The following CYP46A1 variants were observed in gnomAD, a reference collection of about 807,000 sequenced individuals.
The protein encoded by CYP46A1 is cholesterol 24-hydroxylase.
CYP46A1 carries 20 observed loss-of-function variants against 63.3 expected under a neutral mutation model. The observed-to-expected ratio is 0.32, with a 90% CI of 0.22 to 0.46. The LOEUF is 0.46. Among genes scored for constraint, CYP46A1 ranks in the 20% least tolerant of loss-of-function variants. The probability of loss-of-function intolerance (pLI) is 1.00; values close to 1 mark genes in which losing one functional copy is unlikely to be tolerated. For synonymous variants in CYP46A1, 268 were observed against 273.6 expected, an observed-to-expected ratio of 0.98 and a Z score of 0.20; for missense variants, 445 against 670.8, an observed-to-expected ratio of 0.66 and a Z score of 3.72.
chr14:99,699,964 C>CGGGGGGGGGGGGGGGGGGGGGGGGGGGG, intron 4 of CYP46A1, 51 bp from the exon 5 acceptor site: 5 of 773,854 alleles, frequency 6.5e-6, no homozygotes, highest in Non-Finnish European at 8.3e-6. Context: ...ATCAAGCAGT[C>CGGGGGGGGGGGGGGGGGGGGGGGGGGGG]GCTCCCCACC....
intron 3 of CYP46A1, among the ~76,000 whole-genome samples, chr14:99,698,227 TCTGG>T (rs2056601976): frequency 6.6e-6 from 1 of 152,006 alleles, no homozygotes; most frequent in African/African-American, 2.4e-5. Context: ...AGGGCAGGCC[TCTGG>T]GCTCTGGGTC....
intron 3 of CYP46A1, among the ~76,000 whole-genome samples, chr14:99,699,019 T>C (rs1371026143): frequency 6.6e-6 from 1 of 152,152 alleles, no homozygotes; most frequent in Non-Finnish European, 1.5e-5. Flanking sequence ...CACACTTCCT[T>C]GACTGCCCGG....
intron 3 of CYP46A1, chr14:99,693,623 T>C (rs1046537665): frequency 2.6e-5 from 4 of 152,242 alleles, no homozygotes; most frequent in African/African-American, 9.6e-5. Context: ...ACTGACCTCA[T>C]AGGATAAGTT....
rs965536542 is a variant in CYP46A1, at chr14:99,726,970, A to G, written c.*243A>G. Reference sequence around the variant, plus strand: ...CCCAGCCACCACCACTGTCCCTACCACTGAGCCCTTGCACAGGCCACTTGC... The same window carrying G: ...CCCAGCCACCACCACTGTCCCTACCGCTGAGCCCTTGCACAGGCCACTTGC... On this transcript the variant is annotated 3_prime_UTR_variant, in exon 15 of 15. Coordinates refer to ENST00000261835, the MANE Select transcript of CYP46A1 (RefSeq NM_006668.2). The G allele has an allele frequency of 2.4e-6, 1 of 411,864 alleles. No homozygotes were observed. Among genetic ancestry groups the G allele is most frequent in the South Asian group, 9.6e-5 (1 of 10,368 alleles). 25.5% of individuals were successfully genotyped at this position (411,864 alleles called of 1,614,324 possible). A position where few individuals can be genotyped will look rare whatever the true frequency, so the allele number is the denominator to read the frequency against.
chr14:99,703,694 C>T, intron 5 of CYP46A1: 1 of 971,610 alleles, frequency 1.0e-6, no homozygotes, highest in East Asian at 1.1e-4. Context: ...CAATGTAGTG[C>T]TTCCATTCAT....
chr14:99,703,609 T>G (rs1051075769), intron 5 of CYP46A1: 30 of 985,244 alleles, frequency 3.0e-5, no homozygotes, highest in Non-Finnish European at 3.5e-5. Context: ...GAATTCCTGT[T>G]CCTCCTTTGA....
chr14:99,726,111 T>C, intron 13 of CYP46A1, 79 bp from the exon 14 acceptor site: 1 of 1,316,590 alleles, frequency 7.6e-7, no homozygotes, highest in Non-Finnish European at 1.1e-6. Context: ...CAGACCTGGG[T>C]TAACTACTGT....
At chr14:99,713,874 A>AC (rs202189876) in intron 7 of CYP46A1, among the ~76,000 whole-genome samples, 17,933 of 149,116 alleles carry the variant, frequency 0.12, 1,290 homozygotes, top group Middle Eastern at 0.16. Flanking sequence ...TCAAAAAAAA[A>AC]AAAAAAAAAA....
At chr14:99,696,625 T>G (rs901842083) in intron 3 of CYP46A1, among the ~76,000 whole-genome samples, 1 of 152,234 alleles carries the variant, frequency 6.6e-6, no homozygotes, top group Non-Finnish European at 1.5e-5. Context: ...CTTTGTTAAT[T>G]CTATTTGGGA....
At position 99,726,247 on chromosome 14, in the gene CYP46A1, G is replaced by C; in HGVS notation, c.1323G>C (p.Gln441His). The C allele has an allele frequency of 6.2e-7, 1 of 1,613,652 alleles. No individual in the cohort carries two copies. The highest frequency in any genetic ancestry group is 1.7e-5 in the Admixed American group (1 of 60,022). The change falls in exon 14 of 15, where the codon CAG becomes CAC. Residue 441 changes from glutamine (Q) to histidine (H), a missense_variant. Physicochemically the swap from Gln to His is conservative, Grantham distance 24. Around this residue, in one of 4 missense-constraint regions of CYP46A1, gnomAD observed 95 missense variants for 156.9 expected, o/e 0.61. Coordinates refer to ENST00000261835, the MANE Select transcript of CYP46A1 (RefSeq NM_006668.2). ...SLGHRSCIGQ[Q>H]FAQMEVKVVM... is the part of the protein sequence containing the mutation. ...GCCACCGCTCCTGCATCGGGCAGCA[G>C]TTTGCTCAGGTAGGAGGGGCAGGGC...
chr14:99,721,196 A>G (rs1396682491), intron 10 of CYP46A1, 43 bp from the exon 11 acceptor site: 1 of 1,472,478 alleles, frequency 6.8e-7, no homozygotes, highest in Non-Finnish European at 9.5e-7. Context: ...AGTCGGGGAC[A>G]GGCTCCCTTT....
At chr14:99,686,776 A>G (rs2056498106) in intron 1 of CYP46A1, among the ~76,000 whole-genome samples, 1 of 152,162 alleles carries the variant, frequency 6.6e-6, no homozygotes, top group Admixed American at 6.5e-5. Flanking sequence ...CAGTGGGAGG[A>G]AGATGAATAT....
intron 1 of CYP46A1, among the ~76,000 whole-genome samples, chr14:99,689,473 T>C (rs1305924205): frequency 1.1e-4 from 16 of 152,036 alleles, no homozygotes. Context: ...GGGGCTGAGG[T>C]CATTGGTGGA....
At chr14:99,688,049 A>G (rs138168912) in intron 1 of CYP46A1, among the ~76,000 whole-genome samples, 114 of 151,302 alleles carry the variant, frequency 7.5e-4, no homozygotes, top group African/African-American at 2.6e-3. Context: ...TGTCTTCCTG[A>G]GATGGCACTC....
chr14:99,722,109 T>C lies in CYP46A1; in HGVS notation c.1176+43T>C. On this transcript the variant is annotated intron_variant, in intron 12 of 14. Transcript: ENST00000261835. The surrounding 1 kb of genome is among the most constrained non-coding windows in gnomAD (Gnocchi z 4.6). ...GGGTCCTGGGGTGGGCTGGGCTGCTTGCCCCAATGGTGGTGAATTTGGGAC... is the reference window on the plus strand; with the variant it reads ...GGGTCCTGGGGTGGGCTGGGCTGCTCGCCCCAATGGTGGTGAATTTGGGAC... The C allele has an allele frequency of 6.8e-7, 1 of 1,472,386 alleles. No individual in the cohort carries two copies. The highest frequency in any genetic ancestry group is 9.4e-7 in the Non-Finnish European group (1 of 1,061,106). 91.2% of individuals were successfully genotyped at this position (1,472,386 alleles called of 1,614,324 possible). A position where few individuals can be genotyped will look rare whatever the true frequency, so the allele number is the denominator to read the frequency against.
intron 1 of CYP46A1, 168 bp downstream of exon 1, chr14:99,684,704 C>CA: frequency 4.5e-6 from 3 of 673,540 alleles, no homozygotes; most frequent in Non-Finnish European, 8.1e-6. Context: ...ACAAATTACT[C>CA]ACAGCCGCAG....
At chr14:99,718,573 T>C (rs1169201338) in intron 10 of CYP46A1, among the ~76,000 whole-genome samples, 2 of 152,154 alleles carry the variant, frequency 1.3e-5, no homozygotes, top group Non-Finnish European at 1.5e-5. Flanking sequence ...TGTCTTCTGA[T>C]GGCAAGACAA....
chr14:99,722,202 T>A lies in CYP46A1; in HGVS notation c.1176+136T>A. Reference sequence around the variant, plus strand: ...GCCTCACTGGCTGCCCTGGTCTTTCTCATGGAGTCTCACCATAGCCCTGTG... The same window carrying A: ...GCCTCACTGGCTGCCCTGGTCTTTCACATGGAGTCTCACCATAGCCCTGTG... On this transcript the variant is annotated intron_variant, in intron 12 of 14. Coordinates refer to ENST00000261835, the MANE Select transcript of CYP46A1 (RefSeq NM_006668.2). This position sits in a 1 kb window ranked among gnomAD's most constrained non-coding sequence, Gnocchi z 4.6. The A allele has an allele frequency of 1.6e-6, 1 of 606,260 alleles. No homozygotes were observed. The highest frequency in any genetic ancestry group is 2.9e-6 in the Non-Finnish European group (1 of 340,040). The allele number at this position is 606,260 out of a possible 1,614,324, so 37.6% of individuals were successfully genotyped here.
intron 4 of CYP46A1, 64 bp downstream of exon 4, chr14:99,699,603 A>G: frequency 6.5e-7 from 1 of 1,540,370 alleles, no homozygotes; most frequent in Non-Finnish European, 9.0e-7. Context: ...AGTGAGGGCC[A>G]GTGCGGTCCA....
Sources: allele counts gnomAD v4.1 joint callset (sites outside exome capture counted in the v4.1 genomes callset), GRCh38; gene constraint gnomAD v4.1.1; regional missense constraint gnomAD v4.1.1; non-coding constraint Gnocchi (gnomAD v3.1); transcripts MANE v1.5; gene names NCBI Gene and HGNC (gene_info 2026-07-23, HGNC 2026-07-21).